Variants in CCDC91 observed in about 807,000 individuals in gnomAD.
CCDC91 encodes coiled-coil domain-containing protein 91.
CCDC91 carries 48 observed loss-of-function variants against 63.2 expected under a neutral mutation model. That is an observed-to-expected ratio of 0.76 (90% CI 0.60 to 0.97). The LOEUF is 0.97. Ranked by LOEUF, CCDC91 falls within the 50% of genes least tolerant of loss-of-function variation. The probability of loss-of-function intolerance (pLI) is 0.00; values close to 1 mark genes in which losing one functional copy is unlikely to be tolerated. For synonymous variants in CCDC91, 167 were observed against 165.8 expected, an observed-to-expected ratio of 1.01 and a Z score of -0.06; for missense variants, 500 against 494.6, an observed-to-expected ratio of 1.01 and a Z score of -0.10.
At chr12:28,242,534 G>C (rs1291856607) in intron 1 of CCDC91, among the ~76,000 whole-genome samples, 1 of 152,128 alleles carries the variant, frequency 6.6e-6, no homozygotes, top group African/African-American at 2.4e-5. Context: ...AGATGGGAAA[G>C]GGGAAGCCAT....
intron 6 of CCDC91, among the ~76,000 whole-genome samples, chr12:28,333,826 T>C (rs1298804630): frequency 1.3e-5 from 2 of 152,220 alleles, no homozygotes; most frequent in Non-Finnish European, 2.9e-5. Context: ...ATTTGTCCTT[T>C]TAAGTTCTAA....
chr12:28,368,391 G>T (rs1191136844), intron 7 of CCDC91, among the ~76,000 whole-genome samples: 7 of 152,136 alleles, frequency 4.6e-5, no homozygotes, highest in Admixed American at 4.6e-4. Flanking sequence ...CCTAGCCTCT[G>T]ATCTATCCTG....
Position 28,457,905 on chromosome 12 carries a change from T to C in CCDC91, c.1101+5251T>C, listed in dbSNP as rs1228685900. 2.6e-5 allele frequency among the ~76,000 whole-genome samples: 4 copies of C among 152,084 alleles called. No individual in the cohort carries two copies. In the East Asian group the frequency reaches 7.7e-4, roughly 29 times the overall value. ...AAAAGAGGATAGTCATTAATTTTGCTGTTCTAGCAAAATCCTGTAAAAGAA... is the reference window on the plus strand; with the variant it reads ...AAAAGAGGATAGTCATTAATTTTGCCGTTCTAGCAAAATCCTGTAAAAGAA... On this transcript the variant is annotated intron_variant, in intron 11 of 12. Transcript: ENST00000536442.
chr12:28,539,854 T>C (rs1177140704), intron 12 of CCDC91, among the ~76,000 whole-genome samples: 5 of 152,098 alleles, frequency 3.3e-5, no homozygotes, highest in African/African-American at 4.8e-5. Context: ...GTTTGTTTGT[T>C]TAAGACTTCA....
At chr12:28,511,377 T>C (rs1939359703) in intron 12 of CCDC91, among the ~76,000 whole-genome samples, 1 of 151,936 alleles carries the variant, frequency 6.6e-6, no homozygotes, top group South Asian at 2.1e-4. Context: ...AAGCCATTTA[T>C]GGCCAATTTA....
At chr12:28,484,955 ATATAT>A (rs1386136751) in intron 12 of CCDC91, among the ~76,000 whole-genome samples, 1 of 151,474 alleles carries the variant, frequency 6.6e-6, no homozygotes, top group African/African-American at 2.4e-5. Context: ...CAAATATATA[ATATAT>A]TGCAAACATA....
At chr12:28,541,021 C>T (rs1237736345) in intron 12 of CCDC91, among the ~76,000 whole-genome samples, 1 of 152,094 alleles carries the variant, frequency 6.6e-6, no homozygotes, top group Non-Finnish European at 1.5e-5. Context: ...TTGATTACAA[C>T]TTCAGTAAAG....
intron 6 of CCDC91, among the ~76,000 whole-genome samples, chr12:28,338,079 T>C (rs1334783050): frequency 6.6e-6 from 1 of 152,066 alleles, no homozygotes; most frequent in Non-Finnish European, 1.5e-5. Flanking sequence ...ATAGAGCAAA[T>C]AGATGAATTT....
chr12:28,520,633 T>C (rs902052322), intron 12 of CCDC91, among the ~76,000 whole-genome samples: 3 of 152,230 alleles, frequency 2.0e-5, no homozygotes, highest in African/African-American at 7.2e-5. Context: ...GTTTTAGACA[T>C]GAAGTCCTTG....
At chr12:28,200,947 A>G (rs1433012216) in intron 1 of CCDC91, among the ~76,000 whole-genome samples, 4,332 of 133,232 alleles carry the variant, frequency 0.033, 299 homozygotes, top group African/African-American at 0.12. Flanking sequence ...CTGGCCGGGC[A>G]GGGGGCTGAC....
intron 12 of CCDC91, among the ~76,000 whole-genome samples, chr12:28,544,752 TAG>T (rs955404985): frequency 2.0e-5 from 3 of 152,094 alleles, no homozygotes; most frequent in Non-Finnish European, 2.9e-5. Context: ...TGTTGCACTT[TAG>T]ACCAATGTAA....
intron 1 of CCDC91, among the ~76,000 whole-genome samples, chr12:28,254,714 ATTTG>A (rs1565678455): frequency 6.6e-6 from 1 of 151,436 alleles, no homozygotes; most frequent in Non-Finnish European, 1.5e-5. Flanking sequence ...TTGGGACATA[ATTTG>A]TTTTTTTAAA....
chr12:28,273,040 C>T (rs1440879913), intron 3 of CCDC91, among the ~76,000 whole-genome samples: 2 of 149,492 alleles, frequency 1.3e-5, no homozygotes, highest in Non-Finnish European at 3.0e-5. Context: ...CTCCCTGTGC[C>T]CATGTGTTCT....
intron 3 of CCDC91, among the ~76,000 whole-genome samples, chr12:28,270,764 T>C (rs1432953210): frequency 6.6e-6 from 1 of 152,146 alleles, no homozygotes; most frequent in African/African-American, 2.4e-5. Context: ...AATTTACTTC[T>C]CCTGATTTTT....
chr12:28,307,620 G>T (rs756860772), intron 5 of CCDC91, 25 bp from the exon 6 acceptor site: 11 of 1,178,694 alleles, frequency 9.3e-6, no homozygotes, highest in South Asian at 5.6e-5. Flanking sequence ...ATATTACAAA[G>T]CTTGTATTTG....
intron 8 of CCDC91, among the ~76,000 whole-genome samples, chr12:28,397,280 G>A (rs1467488705): frequency 6.6e-6 from 1 of 152,130 alleles, no homozygotes; most frequent in East Asian, 1.9e-4. Context: ...AGTGGTGGAA[G>A]AACAAAGTAG....
intron 12 of CCDC91, among the ~76,000 whole-genome samples, chr12:28,503,576 C>A (rs1221781652): frequency 6.6e-6 from 1 of 152,122 alleles, no homozygotes; most frequent in African/African-American, 2.4e-5. Flanking sequence ...CCAGCAATCC[C>A]ATCACTGGGT....
At chr12:28,325,973 A>G (rs1464295038) in intron 6 of CCDC91, among the ~76,000 whole-genome samples, 2 of 152,168 alleles carry the variant, frequency 1.3e-5, no homozygotes, top group Non-Finnish European at 2.9e-5. Context: ...ATTCTGCAAG[A>G]TATTTGATAA....
rs114539784 is a variant in CCDC91 at position 28,258,760 on chromosome 12, G to A, written c.31-604G>A. Reference sequence around the variant, plus strand: ...TCTAATTTTTAGTAGAAAATTTGCTGTGACCTGGGCATCTAACAGACAGAA... The same window carrying A: ...TCTAATTTTTAGTAGAAAATTTGCTATGACCTGGGCATCTAACAGACAGAA... On this transcript the variant is annotated intron_variant, in intron 2 of 12. Coordinates refer to ENST00000536442, the MANE Select transcript of CCDC91 (RefSeq NM_018318.5). Among the ~76,000 whole-genome samples, 823 of 152,076 alleles carry A rather than the reference G, an allele frequency of 5.4e-3. 7 individuals carry two copies. Among genetic ancestry groups the A allele is most frequent in the African/African-American group, 0.019 (785 of 41,522 alleles).
Sources: allele counts gnomAD v4.1 joint callset (sites outside exome capture counted in the v4.1 genomes callset), GRCh38; gene constraint gnomAD v4.1.1; transcripts MANE v1.5; gene names NCBI Gene and HGNC (gene_info 2026-07-23, HGNC 2026-07-21).